FCHO2: variants seen among roughly 807,000 people sequenced by gnomAD.
The protein encoded by FCHO2 is FCH and mu domain containing endocytic adaptor 2, also known as F-BAR domain only protein 2.
Under a neutral mutation model 114.1 loss-of-function variants are expected in FCHO2, and 43 were observed. That is an observed-to-expected ratio of 0.38 (90% confidence interval 0.30 to 0.49). FCHO2 has a LOEUF of 0.49. Ranked by LOEUF, FCHO2 falls within the 20% of genes least tolerant of loss-of-function variation. The pLI, the probability that FCHO2 is intolerant of heterozygous loss-of-function variation, is 0.97. For synonymous variants in FCHO2, 293 were observed against 315.2 expected (o/e 0.93, Z 0.75); for missense variants, 807 against 950.4 (o/e 0.85, Z 1.98).
chr5:73,037,916 A>G, intron 10 of FCHO2: 1 of 305,490 alleles, frequency 3.3e-6, no homozygotes. Flanking sequence ...CCACCACCAC[A>G]TCTGGCTAAT....
intron 5 of FCHO2, chr5:72,997,562 C>A: frequency 7.6e-7 from 1 of 1,318,018 alleles, no homozygotes; most frequent in Non-Finnish European, 1.1e-6. Context: ...TCTCAACCTG[C>A]TCCCGATGCT....
Position 73,087,727 on chromosome 5 carries a change from C to G in FCHO2, c.2384C>G (p.Ser795Cys), listed in dbSNP as rs1412233039. The change falls in exon 25 of 26, where the codon TCC becomes TGC. Residue 795 changes from serine to cysteine, a missense_variant. Ser to Cys is a moderately radical substitution (Grantham distance 112). Transcript: ENST00000430046. ...CTTGTGGGCACTGGCTATAGGCTTT[C>G]CTTAATAAAGAAGCGGTTTGCTACT... ...FELVGTGYRLSLIKKRFATGR... is the reference protein window; with the variant it reads ...FELVGTGYRLCLIKKRFATGR... 7 of 1,587,248 alleles carry G rather than the reference C, an allele frequency of 4.4e-6. No homozygotes were observed. Among genetic ancestry groups the G allele is most frequent in the Non-Finnish European group, 6.0e-6 (7 of 1,169,662 alleles).
At chr5:73,067,995 G>C (rs1742440778) in intron 18 of FCHO2, among the ~76,000 whole-genome samples, 1 of 151,966 alleles carries the variant, frequency 6.6e-6, no homozygotes, top group South Asian at 2.1e-4. Flanking sequence ...CCTTTGTATG[G>C]AGTGAGTTTT....
Position 73,041,318 on chromosome 5 carries a change from A to G in FCHO2, c.939+3A>G, listed in dbSNP as rs1251125420. 6.8e-7 allele frequency: 1 copy of G among 1,468,470 alleles called. No individual in the cohort carries two copies. The highest frequency in any genetic ancestry group is 1.2e-5 in the South Asian group (1 of 86,272). The allele number at this position is 1,468,470 out of a possible 1,614,324, so 91.0% of individuals were successfully genotyped here. A position where few individuals can be genotyped will look rare whatever the true frequency, so the allele number is the denominator to read the frequency against. The stretch of plus-strand genomic sequence containing the variant: ...AATGTCCTGATGCAGATTCATTGGT[A>G]AGTAGATTTAACTTTGATATAAACA... On this transcript the variant is annotated splice_donor_region_variant and intron_variant, in intron 11 of 25. Transcript: ENST00000430046.
intron 5 of FCHO2, among the ~76,000 whole-genome samples, chr5:72,996,758 G>A (rs1754130099): frequency 6.6e-6 from 1 of 152,146 alleles, no homozygotes; most frequent in Non-Finnish European, 1.5e-5. Flanking sequence ...CCTCGCCAGG[G>A]GTGACTTTCT....
chr5:73,056,606 C>T (rs537267074), intron 16 of FCHO2, among the ~76,000 whole-genome samples: 2 of 152,178 alleles, frequency 1.3e-5, no homozygotes, highest in South Asian at 4.1e-4. Flanking sequence ...AATTATTTCT[C>T]GCTTGGTAAT....
intron 19 of FCHO2, among the ~76,000 whole-genome samples, chr5:73,073,501 C>T (rs1029772522): frequency 6.6e-6 from 1 of 151,944 alleles, no homozygotes; most frequent in African/African-American, 2.4e-5. Flanking sequence ...TAAATGTCCC[C>T]CTAGCAAAGT....
intron 2 of FCHO2, among the ~76,000 whole-genome samples, chr5:72,972,531 T>C (rs1752614864): frequency 6.6e-6 from 1 of 152,118 alleles, no homozygotes; most frequent in Non-Finnish European, 1.5e-5. Context: ...AGAATGCTTG[T>C]GATTTTTGTA....
intron 19 of FCHO2, among the ~76,000 whole-genome samples, chr5:73,070,943 G>A (rs1401393787): frequency 2.0e-5 from 3 of 152,004 alleles, no homozygotes; most frequent in Non-Finnish European, 2.9e-5. Flanking sequence ...ACTGTGAGAC[G>A]TCACCAGGTA....
intron 2 of FCHO2, among the ~76,000 whole-genome samples, chr5:72,973,299 C>G (rs1275836092): frequency 6.6e-6 from 1 of 152,156 alleles, no homozygotes; most frequent in African/African-American, 2.4e-5. Context: ...CCTTGTACCT[C>G]TGGTAGAATT....
intron 2 of FCHO2, among the ~76,000 whole-genome samples, chr5:72,987,465 G>C (rs933081236): frequency 1.3e-5 from 2 of 152,066 alleles, no homozygotes; most frequent in Non-Finnish European, 2.9e-5. Context: ...AGCCTTCCAA[G>C]TAGCTGGGAT....
intron 8 of FCHO2, among the ~76,000 whole-genome samples, chr5:73,025,687 A>G (rs1413510829): frequency 6.6e-6 from 1 of 151,988 alleles, no homozygotes; most frequent in Non-Finnish European, 1.5e-5. Context: ...CCTCTTTTGT[A>G]TGTTTTTGAT....
chr5:73,024,255 T>TCTTA (rs1228793647), intron 8 of FCHO2, among the ~76,000 whole-genome samples: 3 of 151,970 alleles, frequency 2.0e-5, no homozygotes, highest in Non-Finnish European at 4.4e-5. Flanking sequence ...GGAGACAGAA[T>TCTTA]CTTACTATGT....
At chr5:73,006,583 G>A in intron 6 of FCHO2, 34 bp downstream of exon 6, 2 of 1,367,026 alleles carry the variant, frequency 1.5e-6, no homozygotes, top group South Asian at 1.5e-5. Flanking sequence ...TGAAAACAGG[G>A]CATTTATATT....
At chr5:73,023,696 A>G (rs1197887955) in intron 8 of FCHO2, among the ~76,000 whole-genome samples, 2 of 148,622 alleles carry the variant, frequency 1.3e-5, no homozygotes, top group African/African-American at 4.9e-5. Flanking sequence ...GCGAAACTCC[A>G]TCTCAAAAAA....
chr5:72,959,757 T>C (rs1241120024), intron 1 of FCHO2, among the ~76,000 whole-genome samples: 2 of 152,060 alleles, frequency 1.3e-5, no homozygotes, highest in Admixed American at 6.5e-5. Context: ...TCTTGTCTTC[T>C]CTTCTCTCTC....
At chr5:73,053,245 G>A (rs961360074) in intron 13 of FCHO2, among the ~76,000 whole-genome samples, 2 of 151,954 alleles carry the variant, frequency 1.3e-5, no homozygotes, top group African/African-American at 4.8e-5. Flanking sequence ...ACATGTATTT[G>A]TTTGGAAAAA....
chr5:73,067,113 C>T (rs927325282), intron 18 of FCHO2, among the ~76,000 whole-genome samples: 4 of 152,006 alleles, frequency 2.6e-5, no homozygotes, highest in Non-Finnish European at 4.4e-5. Flanking sequence ...TAGCACATCT[C>T]AATTTGGACT....
At chr5:73,042,612 G>A (rs1273121594) in intron 11 of FCHO2, among the ~76,000 whole-genome samples, 1 of 152,082 alleles carries the variant, frequency 6.6e-6, no homozygotes, top group African/African-American at 2.4e-5. Context: ...TGACTGTGTA[G>A]AAATGAAAAA....
Sources: allele counts gnomAD v4.1 joint callset (sites outside exome capture counted in the v4.1 genomes callset), GRCh38; gene constraint gnomAD v4.1.1; transcripts MANE v1.5; gene names NCBI Gene and HGNC (gene_info 2026-07-23, HGNC 2026-07-21).